PRELID2: variants seen among roughly 807,000 people sequenced by gnomAD.
PRELID2 encodes the protein PRELI domain-containing protein 2.
PRELID2 carries 25 observed loss-of-function variants against 28.4 expected under a neutral mutation model. The ratio of observed to expected loss-of-function variants is 0.88; its 90% CI spans 0.64 to 1.23. The LOEUF is 1.23. Among genes scored for constraint, PRELID2 ranks in the 50% most tolerant of loss-of-function variants. The probability of loss-of-function intolerance (pLI) is 0.00; values close to 1 mark genes in which losing one functional copy is unlikely to be tolerated. For synonymous variants in PRELID2, 76 were observed against 71.6 expected, an observed-to-expected ratio of 1.06 and a Z score of -0.31; for missense variants, 201 against 214.4, an observed-to-expected ratio of 0.94 and a Z score of 0.39.
intron 1 of PRELID2, among the ~76,000 whole-genome samples, chr5:145,521,676 C>G (rs1185788534): frequency 6.6e-6 from 1 of 152,164 alleles, no homozygotes; most frequent in African/African-American, 2.4e-5. Context: ...GAACAGGTAG[C>G]TGTCTATGGC....
intron 1 of PRELID2, among the ~76,000 whole-genome samples, chr5:145,675,560 A>T (rs1754797642): frequency 6.6e-6 from 1 of 152,200 alleles, no homozygotes; most frequent in African/African-American, 2.4e-5. Flanking sequence ...AGATGTATGC[A>T]GAAAATTATC....
the PRELID2 span, among the ~76,000 whole-genome samples, chr5:145,405,050 TA>T: frequency 2.6e-5 from 4 of 151,886 alleles, no homozygotes; most frequent in Non-Finnish European, 5.9e-5. Flanking sequence ...TTTCACAACT[TA>T]AAAAAATAAA....
At chr5:145,451,531 G>A in the PRELID2 span, among the ~76,000 whole-genome samples, 5 of 152,210 alleles carry the variant, frequency 3.3e-5, no homozygotes, top group East Asian at 3.9e-4. Context: ...CAGAGATCGC[G>A]CCCTACCTCT....
chr5:145,600,430 A>ATATATATATAT (rs797007372), intron 1 of PRELID2, among the ~76,000 whole-genome samples: 19 of 125,626 alleles, frequency 1.5e-4, no homozygotes, highest in African/African-American at 7.5e-4. Flanking sequence ...GAAAAAAAAA[A>ATATATATATAT]AAAAATATAT....
chr5:145,605,068 A>G (rs1267440939), intron 1 of PRELID2, among the ~76,000 whole-genome samples: 1 of 151,486 alleles, frequency 6.6e-6, no homozygotes, highest in South Asian at 2.1e-4. Flanking sequence ...GATTCTGGAT[A>G]TTTGACCTTT....
chr5:145,569,286 A>C (rs925484195), intron 1 of PRELID2, among the ~76,000 whole-genome samples: 32 of 152,238 alleles, frequency 2.1e-4, no homozygotes, highest in Non-Finnish European at 4.0e-4. Context: ...ATTGGCAGTC[A>C]AAAGAAAACC....
chr5:145,791,903 A>G (rs1240992145), intron 5 of PRELID2, among the ~76,000 whole-genome samples: 1 of 152,176 alleles, frequency 6.6e-6, no homozygotes, highest in East Asian at 1.9e-4. Context: ...GTCAACCTGC[A>G]AGGCACTGTG....
chr5:145,233,135 T>G, the PRELID2 span, among the ~76,000 whole-genome samples: 8,915 of 152,188 alleles, frequency 0.059, 485 homozygotes, highest in African/African-American at 0.14. Context: ...ACAATGGCAC[T>G]CTGAGGCTCA....
chr5:145,597,013 CA>C (rs1228307359), intron 1 of PRELID2, among the ~76,000 whole-genome samples: 1 of 151,898 alleles, frequency 6.6e-6, no homozygotes, highest in East Asian at 1.9e-4. Flanking sequence ...TCCATATGGT[CA>C]AAAAATACTA....
chr5:145,606,963 A>C (rs1327639146), intron 1 of PRELID2, among the ~76,000 whole-genome samples: 1 of 152,126 alleles, frequency 6.6e-6, no homozygotes, highest in African/African-American at 2.4e-5. Flanking sequence ...TTCCTGGATC[A>C]ATCTTGGGAG....
chr5:145,820,620 G>A (rs972925986), intron 2 of PRELID2, among the ~76,000 whole-genome samples: 3 of 152,082 alleles, frequency 2.0e-5, no homozygotes, highest in African/African-American at 4.8e-5. Flanking sequence ...TCTCTCATAA[G>A]GGAGTAGACT....
intron 1 of PRELID2, among the ~76,000 whole-genome samples, chr5:145,694,867 C>T (rs551961210): frequency 6.6e-5 from 10 of 151,234 alleles, no homozygotes; most frequent in Admixed American, 2.0e-4. Context: ...GAAGAGCCAG[C>T]TACAATGTTT....
chr5:145,389,444 T>A, the PRELID2 span, among the ~76,000 whole-genome samples: 1 of 152,152 alleles, frequency 6.6e-6, no homozygotes, highest in Non-Finnish European at 1.5e-5. Context: ...CAATACCAGT[T>A]AATATCTGAG....
At chr5:145,647,901 G>T (rs1271803363) in intron 1 of PRELID2, among the ~76,000 whole-genome samples, 1 of 152,122 alleles carries the variant, frequency 6.6e-6, no homozygotes, top group Non-Finnish European at 1.5e-5. Context: ...AGATGAACTG[G>T]GTACCTCAGT....
At chr5:145,423,390 G>T in the PRELID2 span, among the ~76,000 whole-genome samples, 480 of 151,960 alleles carry the variant, frequency 3.2e-3, 4 homozygotes, top group African/African-American at 0.011. Context: ...GCATAGATTT[G>T]GTCTTTTCAC....
At chr5:145,316,280 A>C in the PRELID2 span, among the ~76,000 whole-genome samples, 62 of 152,358 alleles carry the variant, frequency 4.1e-4, no homozygotes, top group Non-Finnish European at 6.9e-4. Context: ...GCAGAGCACA[A>C]AAGAGAAAAT....
At chr5:145,765,063 T>C (rs954165335) in intron 5 of PRELID2, 63 bp from the exon 6 acceptor site, 18 of 1,145,742 alleles carry the variant, frequency 1.6e-5, no homozygotes, top group Non-Finnish European at 2.3e-5. Context: ...TTTACATTTA[T>C]CACAACCTTT....
chr5:145,492,344 C>CTCCCTTCTCCCTCGCTGCCT lies in PRELID2; in HGVS notation n.71-19030_71-19029insAGGCAGCGAGGGAGAAGGGA, dbSNP rs1376937920. Among the ~76,000 whole-genome samples, 58 of 95,982 alleles carry CTCCCTTCTCCCTCGCTGCCT rather than the reference C, an allele frequency of 6.0e-4. 2 individuals are homozygous for CTCCCTTCTCCCTCGCTGCCT. The highest frequency in any genetic ancestry group is 3.1e-3 in the South Asian group (6 of 1,912). The allele number at this position is 95,982 out of a possible 152,430, so 63.0% of individuals were successfully genotyped here. Reference sequence around the variant, plus strand: ...TGTCTTCTTTTGCAAAATGTCTATTCAGGTCCTTTGCAAAATTTTTAATCG... The same window carrying CTCCCTTCTCCCTCGCTGCCT: ...TGTCTTCTTTTGCAAAATGTCTATTCTCCCTTCTCCCTCGCTGCCTAGGTCCTTTGCAAAATTTTTAATCG... On this transcript the variant is annotated intron_variant and non_coding_transcript_variant, in intron 1 of 2. Coordinates refer to the PRELID2 transcript ENST00000510259.
intron 2 of PRELID2, among the ~76,000 whole-genome samples, chr5:145,821,152 G>GGTGTGTGTGTGTGTGTGT (rs70998038): frequency 0.017 from 1,494 of 88,202 alleles, 83 homozygotes; most frequent in Non-Finnish European, 0.024. Context: ...AACTCTCCTG[G>GGTGTGTGTGTGTGTGTGT]GTGTGTGTGT....
Sources: gnomAD v4.1 joint callset for allele counts (sites outside exome capture counted in the v4.1 genomes callset) on GRCh38, gnomAD v4.1.1 for gene constraint, MANE v1.5 for transcripts, NCBI Gene and HGNC (gene_info 2026-07-23, HGNC 2026-07-21) for gene names.